IDNK: variants seen among roughly 807,000 people sequenced by gnomAD.
The protein encoded by IDNK is IDNK gluconokinase, also known as gluconokinase.
In IDNK, 9 loss-of-function variants were observed where a neutral mutation model predicts 13.0. The ratio of observed to expected loss-of-function variants is 0.69; its 90% CI spans 0.42 to 1.21. The LOEUF is 1.21. IDNK is among the 50% of genes most tolerant of loss of function. IDNK has a pLI of 0.00. For synonymous variants in IDNK, 92 were observed against 94.9 expected (o/e 0.97, Z 0.18); for missense variants, 210 against 237.8 (o/e 0.88, Z 0.77).
chr9:83,634,508 A>G (rs2780970), intron 3 of IDNK, among the ~76,000 whole-genome samples: 69,073 of 152,022 alleles, frequency 0.45, 16,406 homozygotes, highest in Middle Eastern at 0.58. Flanking sequence ...ACAAGATAGA[A>G]AACTTATTAC....
chr9:83,623,306 G>T (rs1309670742), intron 1 of IDNK, 85 bp downstream of exon 1: 3 of 1,240,754 alleles, frequency 2.4e-6, no homozygotes, highest in African/African-American at 1.6e-5. Context: ...CCTGCCGGTG[G>T]ACTGGGGTCT....
intron 1 of IDNK, chr9:83,623,544 G>A (rs1830763092): frequency 2.9e-6 from 1 of 339,514 alleles, no homozygotes; most frequent in Non-Finnish European, 5.5e-6. Context: ...AGCGAGCGGC[G>A]CGGGGCTAGG....
At chr9:83,626,328 A>G in intron 1 of IDNK, 1 of 233,120 alleles carries the variant, frequency 4.3e-6, no homozygotes, top group Non-Finnish European at 8.6e-6. Flanking sequence ...TCTTCCTGAC[A>G]GTCTACACCC....
In IDNK at chr9:83,633,374, C is replaced by T. The variant is rs1190861980; in HGVS notation, c.168+4415C>T. On this transcript the variant is annotated intron_variant, in intron 3 of 4. Coordinates refer to ENST00000376419, the MANE Select transcript of IDNK (RefSeq NM_001001551.4). ...AAATAAAAGAAGATTGGCCTGTCCT[C>T]CTGCTGTGTTATCATAGCCCTTCTT... is the stretch of plus-strand genomic sequence containing the variant. Among the ~76,000 whole-genome samples, 9 of 152,276 alleles carry T rather than the reference C, an allele frequency of 5.9e-5. No individual in the cohort carries two copies. The South Asian group carries it at 6.2e-4, about 11-fold the overall frequency.
chr9:83,643,402 C>T, intron 4 of IDNK, 27 bp from the exon 5 acceptor site: 1 of 1,543,686 alleles, frequency 6.5e-7, no homozygotes, highest in Non-Finnish European at 8.8e-7. Context: ...TTTAGCCTCC[C>T]TCTTTTTTTT....
chr9:83,628,256 G>T (rs1221708718), intron 2 of IDNK, 45 bp downstream of exon 2: 1 of 1,471,534 alleles, frequency 6.8e-7, no homozygotes, highest in East Asian at 2.5e-5. Flanking sequence ...GTCCCATTGT[G>T]TTCTGGTCTC....
intron 3 of IDNK, among the ~76,000 whole-genome samples, chr9:83,637,818 A>C (rs1185399407): frequency 6.6e-6 from 1 of 152,184 alleles, no homozygotes; most frequent in Non-Finnish European, 1.5e-5. Context: ...TGTTGTTAGC[A>C]TTGATGTCAA....
At chr9:83,643,404 C>CA in intron 4 of IDNK, 25 bp from the exon 5 acceptor site, 1 of 1,362,726 alleles carries the variant, frequency 7.3e-7, no homozygotes, top group South Asian at 1.4e-5. Context: ...TAGCCTCCCT[C>CA]TTTTTTTTTT....
In IDNK at chr9:83,643,559, G is replaced by A. The variant is rs1406859930; in HGVS notation, c.343G>A (p.Ala115Thr). 23 of 1,613,948 alleles carry A rather than the reference G, an allele frequency of 1.4e-5. No homozygotes were observed. The highest frequency in any genetic ancestry group is 1.8e-5 in the Non-Finnish European group (21 of 1,180,016). ...CEESGKEAKQ[A>T]EMQLLVVHLS... ...GGAGTCGGGAAAGGAAGCAAAGCAG[G>A]CTGAGATGCAGCTCCTGGTGGTCCA... The change falls in exon 5 of 5, where the codon GCT becomes ACT. Residue 115 changes from alanine to threonine, a missense_variant. Coordinates refer to ENST00000376419, the MANE Select transcript of IDNK (RefSeq NM_001001551.4).
In IDNK at chr9:83,628,884, A is replaced by T. The variant is rs759612678; in HGVS notation, c.93A>T (p.Lys31Asn). The T allele has an allele frequency of 4.8e-5, 78 of 1,613,918 alleles. No homozygotes were observed. In the Middle Eastern group the frequency reaches 6.6e-4, roughly 14 times the overall value. The part of the protein sequence containing the change: ...GALLASELGW[K>N]FYDADDYHPE... ...CTTTGTTCTTAAAGCTGGGATGGAA[A>T]TTCTATGATGCTGATGATTATCACC... Residue 31 changes from lysine to asparagine, a missense_variant, in exon 3 of 5, where the codon AAA (lysine) becomes AAT (asparagine). Physicochemically the swap from Lys to Asn is moderately conservative, Grantham distance 94. Transcript: ENST00000376419.
rs755407672 is a variant in IDNK, at chr9:83,628,920, T to C, written c.129T>C (p.Asn43=). The C allele has an allele frequency of 6.2e-7, 1 of 1,614,044 alleles. No homozygotes were observed. The highest frequency in any genetic ancestry group is 8.5e-7 in the Non-Finnish European group (1 of 1,179,978). ...YDADDYHPEE[N]RRKMGKGIPL... is the part of the protein sequence containing the mutation. The stretch of plus-strand genomic sequence containing the variant: ...CTGATGATTATCACCCGGAGGAAAA[T>C]CGAAGGAAGATGGGAAAAGGCATAC... Residue 43 remains asparagine (N), a synonymous_variant, in exon 3 of 5, where the codon AAT becomes AAC. Transcript: ENST00000376419.
chr9:83,628,309 C>A, intron 2 of IDNK, 98 bp downstream of exon 2: 1 of 1,100,158 alleles, frequency 9.1e-7, no homozygotes, highest in Non-Finnish European at 1.4e-6. Flanking sequence ...GACACTTCCA[C>A]ATGGCTTTGA....
intron 1 of IDNK, chr9:83,626,552 G>C: frequency 2.2e-6 from 1 of 454,680 alleles, no homozygotes; most frequent in South Asian, 1.6e-5. Context: ...GAGTAACTGG[G>C]GTTACAGGCG....
At chr9:83,640,262 G>GTTC (rs1831268031) in intron 3 of IDNK, among the ~76,000 whole-genome samples, 1 of 152,160 alleles carries the variant, frequency 6.6e-6, no homozygotes, top group Admixed American at 6.6e-5. Context: ...CAAGCTGTTT[G>GTTC]AAAGAACAGG....
At chr9:83,632,834 T>A (rs957538181) in intron 3 of IDNK, among the ~76,000 whole-genome samples, 1 of 152,168 alleles carries the variant, frequency 6.6e-6, no homozygotes, top group South Asian at 2.1e-4. Context: ...TAGAGCTCAG[T>A]GAATTTGCTC....
intron 3 of IDNK, among the ~76,000 whole-genome samples, chr9:83,631,094 A>G (rs1356648587): frequency 6.6e-6 from 1 of 152,140 alleles, no homozygotes; most frequent in Non-Finnish European, 1.5e-5. Flanking sequence ...TGGCACCAAT[A>G]CAGCTCCTGG....
In IDNK at chr9:83,628,970, C is replaced by T; in HGVS notation, c.168+11C>T. 1 of 1,603,896 alleles carries T rather than the reference C, an allele frequency of 6.2e-7. No individual in the cohort carries two copies. Among genetic ancestry groups the T allele is most frequent in the Non-Finnish European group, 8.5e-7 (1 of 1,170,720 alleles). On this transcript the variant is annotated intron_variant, in intron 3 of 4. Coordinates refer to ENST00000376419, the MANE Select transcript of IDNK (RefSeq NM_001001551.4). ...CCGCTCAATGACCAGGTAACAATTG[C>T]TGTCTGTGTCCATCACACATATTCC... is the stretch of plus-strand genomic sequence containing the variant.
intron 4 of IDNK, among the ~76,000 whole-genome samples, chr9:83,642,752 T>G (rs1201760464): frequency 1.3e-5 from 2 of 152,204 alleles, no homozygotes; most frequent in Non-Finnish European, 2.9e-5. Flanking sequence ...CTCACTCTCC[T>G]GTGTGGTCTC....
chr9:83,623,615 A>C, intron 1 of IDNK: 1 of 243,066 alleles, frequency 4.1e-6, no homozygotes, highest in Non-Finnish European at 8.2e-6. Flanking sequence ...AGAGGACGCA[A>C]ACCACGGCCC....
Sources: allele counts gnomAD v4.1 joint callset (sites outside exome capture counted in the v4.1 genomes callset), GRCh38; gene constraint gnomAD v4.1.1; transcripts MANE v1.5; gene names NCBI Gene and HGNC (gene_info 2026-07-23, HGNC 2026-07-21).